The following PEAK1 variants were observed in gnomAD, a reference collection of about 807,000 sequenced individuals.
The protein encoded by PEAK1 is pseudopodium enriched atypical kinase 1.
Under a neutral mutation model 124.7 loss-of-function variants are expected in PEAK1, and 54 were observed. That is an observed-to-expected ratio of 0.43 (90% CI 0.35 to 0.54). The LOEUF is 0.54. Ranked by LOEUF, PEAK1 falls within the 20% of genes least tolerant of loss-of-function variation. PEAK1 has a pLI of 0.01. For missense variants in PEAK1, 2,046 were observed against 2,134.5 expected (o/e 0.96, Z 0.82); for synonymous variants, 719 against 760.0 (o/e 0.95, Z 0.89).
intron 6 of PEAK1, among the ~76,000 whole-genome samples, chr15:77,249,581 T>C (rs1005855417): frequency 6.6e-6 from 1 of 152,196 alleles, no homozygotes; most frequent in South Asian, 2.1e-4. Context: ...CAGAAAAATA[T>C]GTAAATGTAG....
In PEAK1 at chr15:77,299,137, ATC is replaced by A. The variant is rs1249708654; in HGVS notation, c.-602-12635_-602-12634del. Among the ~76,000 whole-genome samples the A allele has an allele frequency of 2.6e-5, 4 of 152,102 alleles. No homozygotes were observed. The East Asian group carries it at 5.8e-4, about 22-fold the overall frequency. On this transcript the variant is annotated intron_variant, in intron 2 of 9. Coordinates refer to ENST00000682557, the MANE Select transcript of PEAK1 (RefSeq NM_001385026.1). The stretch of plus-strand genomic sequence containing the variant: ...GATTCTTACAATAATTCTTTCCACA[ATC>A]TCTTTCTTCTAGAATTGATTTTTTA...
intron 9 of PEAK1, among the ~76,000 whole-genome samples, chr15:77,123,508 C>T (rs538969487): frequency 2.2e-4 from 33 of 152,264 alleles, no homozygotes; most frequent in Admixed American, 5.2e-4. Flanking sequence ...TAGCCTGCCA[C>T]GAAGATGGTG....
intron 6 of PEAK1, among the ~76,000 whole-genome samples, chr15:77,203,766 C>T (rs2058489030): frequency 6.6e-6 from 1 of 151,256 alleles, no homozygotes; most frequent in Admixed American, 6.6e-5. Flanking sequence ...AAATTAACTC[C>T]CAGTGAATCA....
intron 4 of PEAK1, 38 bp from the exon 5 acceptor site, chr15:77,284,068 A>G: frequency 1.0e-6 from 1 of 982,144 alleles, no homozygotes. Flanking sequence ...GTTGAGAGTC[A>G]CAGAGTCACT....
chr15:77,220,266 T>C (rs1225186992), intron 6 of PEAK1, among the ~76,000 whole-genome samples: 3 of 152,052 alleles, frequency 2.0e-5, no homozygotes, highest in Non-Finnish European at 2.9e-5. Flanking sequence ...AAAAATGTAC[T>C]ATGCATTGAG....
At chr15:77,136,615 G>A (rs888424574) in intron 8 of PEAK1, among the ~76,000 whole-genome samples, 12 of 151,948 alleles carry the variant, frequency 7.9e-5, no homozygotes, top group Admixed American at 2.6e-4. Flanking sequence ...GCAGTGAGCC[G>A]GGATCATGCC....
At chr15:77,342,172 A>AC (rs1555487823) in intron 2 of PEAK1, among the ~76,000 whole-genome samples, 64 of 123,858 alleles carry the variant, frequency 5.2e-4, no homozygotes, top group East Asian at 3.9e-3. Flanking sequence ...AAAAAAAAAA[A>AC]ACACACACAC....
chr15:77,284,142 T>A, intron 4 of PEAK1, 112 bp from the exon 5 acceptor site: 1 of 438,866 alleles, frequency 2.3e-6, no homozygotes, highest in Non-Finnish European at 3.0e-6. Context: ...GAATGATATT[T>A]AACCCACAAG....
intron 6 of PEAK1, among the ~76,000 whole-genome samples, chr15:77,198,025 T>C (rs1379621575): frequency 6.6e-6 from 1 of 152,038 alleles, no homozygotes; most frequent in Non-Finnish European, 1.5e-5. Flanking sequence ...TATATACAAA[T>C]CTATTATAAA....
intron 1 of PEAK1, chr15:77,418,414 C>G: frequency 2.0e-6 from 2 of 985,290 alleles, no homozygotes; most frequent in Non-Finnish European, 2.4e-6. Flanking sequence ...TTTCCCTTTC[C>G]CCCCCGACAG....
In PEAK1 at chr15:77,338,019, C is replaced by G. The variant is rs1222766721; in HGVS notation, c.-603+27144G>C. ...AAATTATCTTGAGGTAAAAAGAGGT[C>G]ATTATTTTTCAAATGTGTAAAGCAG... is the stretch of plus-strand genomic sequence containing the variant. On this transcript the variant is annotated intron_variant, in intron 2 of 9. Coordinates refer to ENST00000682557, the MANE Select transcript of PEAK1 (RefSeq NM_001385026.1). The G allele has an allele frequency of 3.1e-6, 3 of 982,790 alleles. No homozygotes were observed. In the Admixed American group the frequency reaches 1.8e-4, roughly 60 times the overall value. 60.9% of individuals were successfully genotyped at this position (982,790 alleles called of 1,614,324 possible). A position where few individuals can be genotyped will look rare whatever the true frequency, so the allele number is the denominator to read the frequency against.
rs1023518656 is a variant in PEAK1, at chr15:77,109,337, T to A, written c.*4819A>T. The stretch of plus-strand genomic sequence containing the variant: ...TTCATCTTCATCATCATCATCATCT[T>A]CTAATATACAAAATGGACTTCTTTT... On this transcript the variant is annotated 3_prime_UTR_variant, in exon 10 of 10. Coordinates refer to ENST00000682557, the MANE Select transcript of PEAK1 (RefSeq NM_001385026.1). 6.6e-6 allele frequency: 1 copy of A among 152,228 alleles called. No homozygotes were observed. Among genetic ancestry groups the A allele is most frequent in the Non-Finnish European group, 1.5e-5 (1 of 68,040 alleles). The allele number at this position is 152,228 out of a possible 1,614,324, so 9.4% of individuals were successfully genotyped here.
At position 77,327,210 on chromosome 15, in the gene PEAK1, A is replaced by T. The variant is rs534964048; in HGVS notation, c.-603+37953T>A. On this transcript the variant is annotated intron_variant, in intron 2 of 9. Coordinates refer to ENST00000682557, the MANE Select transcript of PEAK1 (RefSeq NM_001385026.1). ...AAAGTATTCCCAGATGATTGTCAAC[A>T]TGATGGTAATTAGTATATTAATGTT... 3.3e-5 allele frequency among the ~76,000 whole-genome samples: 5 copies of T among 152,276 alleles called. No individual in the cohort carries two copies. The South Asian group carries it at 1.0e-3, about 32-fold the overall frequency.
chr15:77,325,411 A>C (rs1398264626), intron 2 of PEAK1, among the ~76,000 whole-genome samples: 2 of 31,940 alleles, frequency 6.3e-5, no homozygotes, highest in Non-Finnish European at 2.4e-4. Context: ...CCATCTCAAT[A>C]AATAAATAAA....
intron 1 of PEAK1, among the ~76,000 whole-genome samples, chr15:77,406,829 A>G (rs2071862920): frequency 6.6e-6 from 1 of 152,190 alleles, no homozygotes; most frequent in African/African-American, 2.4e-5. Context: ...AAGACTAAGC[A>G]AAAAGAACAA....
rs1377179310 is a variant in PEAK1, at chr15:77,417,885, T to C, written c.-666+2121A>G. The stretch of plus-strand genomic sequence containing the variant: ...CAAATATGGTTGGCACTGCTAGATG[T>C]TGAAAAACATGTATGCAAATAAGCA... On this transcript the variant is annotated intron_variant, in intron 1 of 9. Coordinates refer to ENST00000682557, the MANE Select transcript of PEAK1 (RefSeq NM_001385026.1). The C allele has an allele frequency of 5.1e-6, 5 of 984,854 alleles. No individual in the cohort carries two copies. In the African/African-American group the frequency reaches 8.7e-5, roughly 17 times the overall value. The allele number at this position is 984,854 out of a possible 1,614,324, so 61.0% of individuals were successfully genotyped here.
intron 6 of PEAK1, among the ~76,000 whole-genome samples, chr15:77,247,321 G>GCTCTA (rs1274932507): frequency 3.9e-5 from 6 of 151,954 alleles, no homozygotes; most frequent in African/African-American, 1.5e-4. Context: ...TGTTACATCA[G>GCTCTA]CTCTATGATA....
chr15:77,328,929 A>G (rs2065739928), intron 2 of PEAK1, among the ~76,000 whole-genome samples: 1 of 152,178 alleles, frequency 6.6e-6, no homozygotes, highest in African/African-American at 2.4e-5. Context: ...ATGATAAAAC[A>G]TTTATCCACC....
At chr15:77,106,300 T>C (rs1229465467), downstream of PEAK1, 2 of 152,230 alleles carry the variant, frequency 1.3e-5, no homozygotes, top group African/African-American at 4.8e-5. Flanking sequence ...CCACATCTTA[T>C]ATACCTTCTA....
Sources: gnomAD v4.1 joint callset for allele counts (sites outside exome capture counted in the v4.1 genomes callset) on GRCh38, gnomAD v4.1.1 for gene constraint, MANE v1.5 for transcripts, NCBI Gene and HGNC (gene_info 2026-07-23, HGNC 2026-07-21) for gene names.